The following EFNA5 variants were observed in gnomAD, a reference collection of about 807,000 sequenced individuals.
The protein encoded by EFNA5 is ephrin A5, also known as ephrin-A5.
EFNA5 carries 5 observed loss-of-function variants against 22.9 expected under a neutral mutation model. That is an observed-to-expected ratio of 0.22 (90% confidence interval 0.11 to 0.46). The LOEUF (loss-of-function observed/expected upper bound fraction) is 0.46. Among genes scored for constraint, EFNA5 ranks in the 20% least tolerant of loss-of-function variants. The pLI is 0.99. For missense variants in EFNA5, 237 were observed against 293.3 expected (o/e 0.81, Z 1.40); for synonymous variants, 113 against 112.2 (o/e 1.01, Z -0.04).
At chr5:107,658,905 ATGCTGTTTAC>A (rs1274789499) in intron 1 of EFNA5, among the ~76,000 whole-genome samples, 8 of 152,182 alleles carry the variant, frequency 5.3e-5, no homozygotes, top group African/African-American at 9.7e-5. Context: ...TGCTGTATAT[ATGCTGTTTAC>A]TGCAGTATCT....
chr5:107,460,882 C>A (rs866820016), intron 1 of EFNA5, among the ~76,000 whole-genome samples: 9 of 152,274 alleles, frequency 5.9e-5, no homozygotes, highest in Middle Eastern at 3.4e-3. Context: ...TAGCACCCCT[C>A]CCCTTTAGAA....
At chr5:107,485,958 C>T (rs1746607578) in intron 1 of EFNA5, among the ~76,000 whole-genome samples, 1 of 152,082 alleles carries the variant, frequency 6.6e-6, no homozygotes, top group Non-Finnish European at 1.5e-5. Flanking sequence ...GCGAGCACGG[C>T]ATATTTAGAT....
At chr5:107,549,552 C>T (rs1017014025) in intron 1 of EFNA5, among the ~76,000 whole-genome samples, 1 of 152,238 alleles carries the variant, frequency 6.6e-6, no homozygotes, top group Non-Finnish European at 1.5e-5. Context: ...AACAGATGGG[C>T]CTGGACCATC....
intron 1 of EFNA5, among the ~76,000 whole-genome samples, chr5:107,504,881 C>T (rs184422808): frequency 1.3e-5 from 2 of 152,202 alleles, no homozygotes; most frequent in East Asian, 1.9e-4. Context: ...AAAAATATAG[C>T]TATAACAGAA....
intron 1 of EFNA5, among the ~76,000 whole-genome samples, chr5:107,594,947 C>A (rs1374607051): frequency 6.6e-6 from 1 of 152,132 alleles, no homozygotes; most frequent in Non-Finnish European, 1.5e-5. Context: ...GTGGGTGTGC[C>A]ACTTTTTTTT....
intron 2 of EFNA5, among the ~76,000 whole-genome samples, chr5:107,422,321 TG>T (rs1189572026): frequency 6.6e-6 from 1 of 152,172 alleles, no homozygotes; most frequent in African/African-American, 2.4e-5. Context: ...TGCCAAGCAA[TG>T]TAATACAGGG....
chr5:107,540,703 ATACTT>A (rs1748028267), intron 1 of EFNA5, among the ~76,000 whole-genome samples: 4 of 152,242 alleles, frequency 2.6e-5, no homozygotes, highest in Admixed American at 2.6e-4. Flanking sequence ...CAATATACTT[ATACTT>A]TAAAGATCTT....
intron 1 of EFNA5, among the ~76,000 whole-genome samples, chr5:107,513,190 G>C (rs932865915): frequency 6.6e-6 from 1 of 152,148 alleles, no homozygotes; most frequent in African/African-American, 2.4e-5. Context: ...AAGTCCTACT[G>C]TAGTCAGAGA....
intron 4 of EFNA5, among the ~76,000 whole-genome samples, chr5:107,385,070 C>A (rs1031196023): frequency 1.3e-5 from 2 of 152,002 alleles, no homozygotes. Context: ...ACGCTCTACT[C>A]CCCAGCACAC....
intron 2 of EFNA5, among the ~76,000 whole-genome samples, chr5:107,412,507 A>T (rs1459416978): frequency 2.0e-5 from 3 of 152,206 alleles, no homozygotes; most frequent in African/African-American, 7.2e-5. Context: ...TGTGAAAAAG[A>T]TAATTTATCC....
At chr5:107,526,383 G>A (rs1747696579) in intron 1 of EFNA5, among the ~76,000 whole-genome samples, 1 of 152,182 alleles carries the variant, frequency 6.6e-6, no homozygotes. Flanking sequence ...TCCAGTGTAA[G>A]GTTTGCCTGA....
At chr5:107,635,353 C>CT (rs1350806390) in intron 1 of EFNA5, among the ~76,000 whole-genome samples, 1 of 152,234 alleles carries the variant, frequency 6.6e-6, no homozygotes, top group Non-Finnish European at 1.5e-5. Context: ...AAACAAGCTA[C>CT]TTCTCACATA....
chr5:107,397,547 CA>C (rs55662415), intron 2 of EFNA5, among the ~76,000 whole-genome samples: 44 of 145,832 alleles, frequency 3.0e-4, no homozygotes, highest in African/African-American at 6.1e-4. Flanking sequence ...GACTCCATCT[CA>C]AAAAAAAAAA....
intron 1 of EFNA5, among the ~76,000 whole-genome samples, chr5:107,543,628 C>A (rs1401366609): frequency 6.6e-6 from 1 of 152,062 alleles, no homozygotes; most frequent in Non-Finnish European, 1.5e-5. Context: ...CTGAAGTTAT[C>A]GTTTGGGAAT....
chr5:107,395,982 G>A (rs770833151), intron 2 of EFNA5, among the ~76,000 whole-genome samples: 163 of 152,248 alleles, frequency 1.1e-3, no homozygotes, highest in Middle Eastern at 3.4e-3. Context: ...GCTGTTAACC[G>A]TTAGGCAAGG....
At chr5:107,612,988 C>CA (rs1580560243) in intron 1 of EFNA5, among the ~76,000 whole-genome samples, 1 of 151,576 alleles carries the variant, frequency 6.6e-6, no homozygotes. Context: ...TGGCAAAAGC[C>CA]AAAAAAATTG....
chr5:107,639,047 CAGGT>C (rs1750445768), intron 1 of EFNA5, among the ~76,000 whole-genome samples: 1 of 152,142 alleles, frequency 6.6e-6, no homozygotes, highest in African/African-American at 2.4e-5. Flanking sequence ...AGAAAGCACT[CAGGT>C]AGTAAAAATT....
chr5:107,654,172 A>ATGGGACAGCATG (rs1326137703), intron 1 of EFNA5, among the ~76,000 whole-genome samples: 1 of 152,156 alleles, frequency 6.6e-6, no homozygotes, highest in Non-Finnish European at 1.5e-5. Flanking sequence ...GAGGCTTACT[A>ATGGGACAGCATG]TGGGACAGCA....
chr5:107,552,740 A>G (rs921528918), intron 1 of EFNA5, among the ~76,000 whole-genome samples: 4 of 152,250 alleles, frequency 2.6e-5, no homozygotes, highest in African/African-American at 7.2e-5. Flanking sequence ...TGAAGATTTT[A>G]AAAATTCAGA....
Sources: gnomAD v4.1 joint callset for allele counts (sites outside exome capture counted in the v4.1 genomes callset) on GRCh38, gnomAD v4.1.1 for gene constraint, MANE v1.5 for transcripts, NCBI Gene and HGNC (gene_info 2026-07-23, HGNC 2026-07-21) for gene names.